The following THRB variants were observed in gnomAD, a reference collection of about 807,000 sequenced individuals.
The protein encoded by THRB is thyroid hormone receptor beta, also known as nuclear receptor subfamily 1 group A member 2.
Under a neutral mutation model 47.8 loss-of-function variants are expected in THRB, and 12 were observed. The ratio of observed to expected loss-of-function variants is 0.25; its 90% CI spans 0.16 to 0.41. The LOEUF is 0.41. Ranked by LOEUF, THRB falls within the 10% of genes least tolerant of loss-of-function variation. THRB has a pLI of 1.00. For synonymous variants in THRB, 218 were observed against 212.2 expected (o/e 1.03, Z -0.24); for missense variants, 348 against 589.2 (o/e 0.59, Z 4.24).
At chr3:24,211,168 C>T (rs1475794964) in intron 4 of THRB, among the ~76,000 whole-genome samples, 7 of 145,664 alleles carry the variant, frequency 4.8e-5, no homozygotes, top group Non-Finnish European at 7.4e-5. Flanking sequence ...CCACTGCACT[C>T]CAGCCTGGGC....
chr3:24,304,264 T>A (rs1158270303), intron 2 of THRB, among the ~76,000 whole-genome samples: 1 of 152,160 alleles, frequency 6.6e-6, no homozygotes, highest in East Asian at 1.9e-4. Flanking sequence ...GTCCATGGAA[T>A]ATTAATAAAA....
intron 3 of THRB, among the ~76,000 whole-genome samples, chr3:24,271,126 G>A (rs1005457084): frequency 2.0e-5 from 3 of 152,176 alleles, no homozygotes; most frequent in Non-Finnish European, 4.4e-5. Flanking sequence ...TAGAAAGGCA[G>A]TAAAAAAGTT....
At chr3:24,300,496 T>C (rs1256427494) in intron 2 of THRB, among the ~76,000 whole-genome samples, 1 of 152,228 alleles carries the variant, frequency 6.6e-6, no homozygotes, top group Admixed American at 6.5e-5. Flanking sequence ...ACAACAATGA[T>C]GCAATAAAAT....
chr3:24,279,091 T>C (rs2054245149), intron 3 of THRB, among the ~76,000 whole-genome samples: 1 of 152,128 alleles, frequency 6.6e-6, no homozygotes, highest in Non-Finnish European at 1.5e-5. Flanking sequence ...GTAATCCTCT[T>C]GTTTTGGCCT....
intron 3 of THRB, among the ~76,000 whole-genome samples, chr3:24,271,259 T>C (rs1002593727): frequency 1.3e-5 from 2 of 152,196 alleles, no homozygotes; most frequent in South Asian, 2.1e-4. Context: ...ACTGTATGCA[T>C]GCGGCTTATG....
intron 8 of THRB, among the ~76,000 whole-genome samples, chr3:24,137,480 C>T (rs2034826569): frequency 6.6e-6 from 1 of 152,126 alleles, no homozygotes; most frequent in African/African-American, 2.4e-5. Flanking sequence ...TCAGCCAAGG[C>T]CCCTTTGAGA....
At chr3:24,189,462 C>T (rs745622665) in intron 5 of THRB, among the ~76,000 whole-genome samples, 3 of 152,056 alleles carry the variant, frequency 2.0e-5, no homozygotes, top group Non-Finnish European at 2.9e-5. Context: ...AGGGTGGAGG[C>T]GACCTGAGGT....
At chr3:24,168,987 T>G (rs2040054520) in intron 5 of THRB, among the ~76,000 whole-genome samples, 1 of 152,120 alleles carries the variant, frequency 6.6e-6, no homozygotes, top group South Asian at 2.1e-4. Context: ...ATGAAATGGC[T>G]GAGCAGAAAT....
chr3:24,427,047 A>T (rs533779116), intron 1 of THRB, among the ~76,000 whole-genome samples: 1 of 152,086 alleles, frequency 6.6e-6, no homozygotes, highest in South Asian at 2.1e-4. Context: ...TTGTTCAGCT[A>T]GAGTTTGAAA....
intron 2 of THRB, among the ~76,000 whole-genome samples, chr3:24,299,249 T>TAAAAAAAAAAA (rs36061929): frequency 2.8e-5 from 2 of 70,190 alleles, no homozygotes; most frequent in South Asian, 5.7e-4. Flanking sequence ...CTCAGTCTCA[T>TAAAAAAAAAAA]AAAAAAAAAA....
intron 1 of THRB, among the ~76,000 whole-genome samples, chr3:24,409,765 T>C (rs1041423552): frequency 2.0e-5 from 3 of 151,794 alleles, no homozygotes; most frequent in Non-Finnish European, 4.4e-5. Flanking sequence ...GAAAATGTGG[T>C]ACCCATGCAG....
intron 1 of THRB, among the ~76,000 whole-genome samples, chr3:24,394,380 T>C (rs1355185241): frequency 6.6e-6 from 1 of 152,082 alleles, no homozygotes; most frequent in Non-Finnish European, 1.5e-5. Flanking sequence ...GGAAAGAACT[T>C]GACTTATTCC....
At chr3:24,220,797 C>CAAAAAAAA (rs1368551143) in intron 4 of THRB, among the ~76,000 whole-genome samples, 8 of 96,644 alleles carry the variant, frequency 8.3e-5, no homozygotes, top group African/African-American at 2.5e-4. Context: ...CAAGGTTAAA[C>CAAAAAAAA]AAAAGAAAAA....
chr3:24,387,708 T>C (rs1283986390), intron 1 of THRB, among the ~76,000 whole-genome samples: 1 of 152,140 alleles, frequency 6.6e-6, no homozygotes, highest in Non-Finnish European at 1.5e-5. Context: ...CTGCTTAGGT[T>C]GAAACTGTAT....
intron 1 of THRB, among the ~76,000 whole-genome samples, chr3:24,390,201 C>T (rs879188376): frequency 6.6e-6 from 1 of 152,094 alleles, no homozygotes; most frequent in African/African-American, 2.4e-5. Flanking sequence ...AGGCAGAATG[C>T]TAGGCACTTT....
chr3:24,386,587 T>A (rs1383583286), intron 1 of THRB, among the ~76,000 whole-genome samples: 1 of 152,076 alleles, frequency 6.6e-6, no homozygotes, highest in Non-Finnish European at 1.5e-5. Context: ...TTTAGTCATA[T>A]CTCCCATATT....
intron 1 of THRB, among the ~76,000 whole-genome samples, chr3:24,389,810 T>A (rs1210088217): frequency 6.6e-6 from 1 of 152,090 alleles, no homozygotes; most frequent in Admixed American, 6.6e-5. Flanking sequence ...TAAAAATAGC[T>A]TCAGCAATAA....
In THRB at chr3:24,362,304, C is replaced by T. The variant is rs932260429; in HGVS notation, c.-260-24933G>A. On this transcript the variant is annotated intron_variant, in intron 1 of 10. Transcript: ENST00000646209. ...TGACTCCACCTCCTACTCCTCTTCC[C>T]CTCTCTTAATCCATTCCATCTGGCC... Among the ~76,000 whole-genome samples the T allele has an allele frequency of 2.6e-5, 4 of 152,230 alleles. No homozygotes were observed. The Middle Eastern group carries it at 0.01, about 388-fold the overall frequency.
intron 3 of THRB, among the ~76,000 whole-genome samples, chr3:24,247,223 T>A (rs899413600): frequency 1.3e-5 from 2 of 152,242 alleles, no homozygotes; most frequent in Non-Finnish European, 2.9e-5. Flanking sequence ...TTAATCACCA[T>A]ACATCTTACA....
Sources: allele counts gnomAD v4.1 joint callset (sites outside exome capture counted in the v4.1 genomes callset), GRCh38; gene constraint gnomAD v4.1.1; transcripts MANE v1.5; gene names NCBI Gene and HGNC (gene_info 2026-07-23, HGNC 2026-07-21).